CCT6A: variants seen among roughly 807,000 people sequenced by gnomAD.
CCT6A encodes the protein T-complex protein 1 subunit zeta.
Under a neutral mutation model 58.6 loss-of-function variants are expected in CCT6A, and 6 were observed. That is an observed-to-expected ratio of 0.10 (90% confidence interval 0.06 to 0.20). The LOEUF (loss-of-function observed/expected upper bound fraction) is 0.20. CCT6A is among the 10% of genes least tolerant of loss of function. The pLI, the probability that CCT6A is intolerant of heterozygous loss-of-function variation, is 1.00. For synonymous variants in CCT6A, 245 were observed against 227.8 expected, an observed-to-expected ratio of 1.08 and a Z score of -0.68; for missense variants, 516 against 648.8, an observed-to-expected ratio of 0.80 and a Z score of 2.22.
chr7:56,061,653 TTC>T, intron 11 of CCT6A, 92 bp from the exon 12 acceptor site: 1 of 719,984 alleles, frequency 1.4e-6, no homozygotes, highest in Non-Finnish European at 2.2e-6. Flanking sequence ...GGCCGAGATT[TTC>T]TTTTTCTTTT....
intron 12 of CCT6A, 67 bp from the exon 13 acceptor site, chr7:56,062,616 C>A: frequency 7.7e-7 from 1 of 1,305,402 alleles, no homozygotes; most frequent in Non-Finnish European, 1.1e-6. Context: ...CAGTGATAAG[C>A]AAAGCTGCAC....
rs927343831 is a variant in CCT6A at position 56,051,820 on chromosome 7, T to G, written c.-29T>G. ...CCGCGCCGGCTCTGGGCACTCAGCA[T>G]CGTTTCCTTTTCCTCCGCTGGAGCA... is the stretch of plus-strand genomic sequence containing the variant. On this transcript the variant is annotated 5_prime_UTR_variant, in exon 1 of 14. Coordinates refer to ENST00000275603, the MANE Select transcript of CCT6A (RefSeq NM_001762.4). 5.2e-6 allele frequency: 8 copies of G among 1,548,362 alleles called. No homozygotes were observed. The highest frequency in any genetic ancestry group is 2.8e-5 in the African/African-American group (2 of 72,060).
Position 56,063,254 on chromosome 7 carries a change from A to AT in CCT6A, c.*174dup, listed in dbSNP as rs770327661. The AT allele has an allele frequency of 1.6e-6, 1 of 610,504 alleles. No individual in the cohort carries two copies. The highest frequency in any genetic ancestry group is 2.9e-5 in the Admixed American group (1 of 34,590). 37.8% of individuals were successfully genotyped at this position (610,504 alleles called of 1,614,324 possible). ...AATTTGGAAGTTCTGAAATTATAGTATTTTTAAAAATTGCACTGAAGTGTA... is the reference window on the plus strand; with the variant it reads ...AATTTGGAAGTTCTGAAATTATAGTATTTTTTAAAAATTGCACTGAAGTGTA... On this transcript the variant is annotated 3_prime_UTR_variant, in exon 14 of 14. Coordinates refer to ENST00000275603, the MANE Select transcript of CCT6A (RefSeq NM_001762.4).
At chr7:56,062,338 G>T (rs1413718950) in intron 12 of CCT6A, among the ~76,000 whole-genome samples, 1 of 152,160 alleles carries the variant, frequency 6.6e-6, no homozygotes, top group Non-Finnish European at 1.5e-5. Context: ...CATGCAGTAT[G>T]TGCAAGACCT....
intron 9 of CCT6A, 28 bp downstream of exon 9, chr7:56,059,668 T>G (rs778155800): frequency 2.7e-5 from 28 of 1,048,656 alleles, no homozygotes; most frequent in Non-Finnish European, 4.0e-5. Flanking sequence ...TTAAAGGTAA[T>G]AGAACCTTTT....
intron 8 of CCT6A, 98 bp downstream of exon 8, chr7:56,058,800 A>G (rs1794368898): frequency 1.7e-5 from 12 of 725,556 alleles, no homozygotes; most frequent in South Asian, 3.5e-5. Flanking sequence ...TGTATAGTTA[A>G]TTGGCATTAA....
chr7:56,062,386 G>A (rs767190740), intron 12 of CCT6A, among the ~76,000 whole-genome samples: 10 of 152,186 alleles, frequency 6.6e-5, no homozygotes, highest in Non-Finnish European at 1.5e-4. Flanking sequence ...TGGAATGAGG[G>A]AAATGATCAG....
At position 56,059,671 on chromosome 7, in the gene CCT6A, A is replaced by G. The variant is rs772790248; in HGVS notation, c.1065+31A>G. 1.6e-5 allele frequency: 17 copies of G among 1,042,784 alleles called. No individual in the cohort carries two copies. In the Admixed American group the frequency reaches 1.7e-4, roughly 11 times the overall value. 64.6% of individuals were successfully genotyped at this position (1,042,784 alleles called of 1,614,324 possible). A position where few individuals can be genotyped will look rare whatever the true frequency, so the allele number is the denominator to read the frequency against. ...TGTATTTTTTTCTTAAAGGTAATAGAACCTTTTAGCTCGTGAATTATTTTT... is the reference window on the plus strand; with the variant it reads ...TGTATTTTTTTCTTAAAGGTAATAGGACCTTTTAGCTCGTGAATTATTTTT... On this transcript the variant is annotated intron_variant, in intron 9 of 13. Coordinates refer to ENST00000275603, the MANE Select transcript of CCT6A (RefSeq NM_001762.4).
At position 56,056,308 on chromosome 7, in the gene CCT6A, C is replaced by T. The variant is rs757520764; in HGVS notation, c.511-3C>T. 1.4e-6 allele frequency: 2 copies of T among 1,472,776 alleles called. No individual in the cohort carries two copies. Among genetic ancestry groups the T allele is most frequent in the Non-Finnish European group, 1.9e-6 (2 of 1,051,250 alleles). 91.2% of individuals were successfully genotyped at this position (1,472,776 alleles called of 1,614,324 possible). ...CTTAACGGTTATGCTCCTCCAATTG[C>T]AGGCTGTAGTGGACTCCATTTTGGC... On this transcript the variant is annotated splice_region_variant and splice_polypyrimidine_tract_variant and intron_variant, in intron 4 of 13. Transcript: ENST00000275603.
At chr7:56,052,103 C>G (rs1293626177) in intron 1 of CCT6A, 118 bp downstream of exon 1, 2 of 910,810 alleles carry the variant, frequency 2.2e-6, no homozygotes, top group African/African-American at 1.8e-5. Context: ...TCCTTCTCGG[C>G]GTCCTCCGGG....
chr7:56,056,653 C>T (rs549561157), intron 5 of CCT6A, among the ~76,000 whole-genome samples: 7 of 151,264 alleles, frequency 4.6e-5, no homozygotes, highest in African/African-American at 7.3e-5. Flanking sequence ...ACCTGGGAGG[C>T]GGAGGTTGCA....
chr7:56,058,248 C>CA, intron 6 of CCT6A, 114 bp from the exon 7 acceptor site: 1 of 862,916 alleles, frequency 1.2e-6, no homozygotes, highest in South Asian at 1.7e-5. Context: ...TCTGAAGATG[C>CA]ATAAGGGGCA....
At position 56,062,671 on chromosome 7, in the gene CCT6A, G is replaced by A. The variant is rs377682724; in HGVS notation, c.1451-12G>A. The A allele has an allele frequency of 2.5e-6, 4 of 1,611,882 alleles. No homozygotes were observed. Among genetic ancestry groups the A allele is most frequent in the African/African-American group, 2.7e-5 (2 of 74,870 alleles). On this transcript the variant is annotated splice_polypyrimidine_tract_variant and intron_variant, in intron 12 of 13. Transcript: ENST00000275603. Reference sequence around the variant, plus strand: ...CTGACTGAACTTATTTTAAGATTTGGTTGCCTTTTAGGTGAGCCAATGGTG... The same window carrying A: ...CTGACTGAACTTATTTTAAGATTTGATTGCCTTTTAGGTGAGCCAATGGTG...
Position 56,052,412 on chromosome 7 carries a change from C to T in CCT6A, c.138-10C>T, listed in dbSNP as rs748326813. The T allele has an allele frequency of 2.5e-6, 4 of 1,613,002 alleles. No homozygotes were observed. The highest frequency in any genetic ancestry group is 1.6e-4 in the Middle Eastern group (1 of 6,062). Reference sequence around the variant, plus strand: ...AGTCATAGTCTGGTTCATTTCTGTCCTTTAAACAGGCTCGTTTCTGGCGCT... The same window carrying T: ...AGTCATAGTCTGGTTCATTTCTGTCTTTTAAACAGGCTCGTTTCTGGCGCT... On this transcript the variant is annotated splice_polypyrimidine_tract_variant and intron_variant, in intron 1 of 13. Transcript: ENST00000275603.
In CCT6A at chr7:56,055,781, C is replaced by T; in HGVS notation, c.494C>T (p.Ala165Val). ...SLRTKVHAEL[A>V]DVLTEAVVDS... ...CGTACTAAAGTTCATGCTGAACTTG[C>T]AGATGTCTTAACAGAGGTATGTATT... is the stretch of plus-strand genomic sequence containing the variant. The change falls in exon 4 of 14, where the codon GCA becomes GTA. Residue 165 changes from alanine (A) to valine (V), a missense_variant. Physicochemically the swap from Ala to Val is moderately conservative, Grantham distance 64. Transcript: ENST00000275603. The T allele has an allele frequency of 1.9e-6, 3 of 1,612,854 alleles. No individual in the cohort carries two copies. Among genetic ancestry groups the T allele is most frequent in the Non-Finnish European group, 2.5e-6 (3 of 1,179,014 alleles).
Position 56,058,708 on chromosome 7 carries a change from C to A in CCT6A, c.968+6C>A. On this transcript the variant is annotated splice_donor_region_variant and intron_variant, in intron 8 of 13. Coordinates refer to ENST00000275603, the MANE Select transcript of CCT6A (RefSeq NM_001762.4). ...AAAAGGAGAAATATGGAGAGGTATCCGAGTAATTTGACTTTTACTCATTTT... is the reference window on the plus strand; with the variant it reads ...AAAAGGAGAAATATGGAGAGGTATCAGAGTAATTTGACTTTTACTCATTTT... 6.7e-7 allele frequency: 1 copy of A among 1,495,498 alleles called. No individual in the cohort carries two copies. The highest frequency in any genetic ancestry group is 9.2e-7 in the Non-Finnish European group (1 of 1,085,202). 92.6% of individuals were successfully genotyped at this position (1,495,498 alleles called of 1,614,324 possible).
At chr7:56,055,573 C>A in intron 3 of CCT6A, 51 bp from the exon 4 acceptor site, 1 of 1,449,572 alleles carries the variant, frequency 6.9e-7, no homozygotes, top group Non-Finnish European at 9.7e-7. Flanking sequence ...TTATCATGAA[C>A]TATGGTTGCA....
chr7:56,056,002 G>A (rs1287797424), intron 4 of CCT6A: 34 of 528,132 alleles, frequency 6.4e-5, no homozygotes, highest in Non-Finnish European at 1.0e-4. Context: ...TAAAATTGAA[G>A]CTTTCATTAA....
Position 56,061,861 on chromosome 7 carries a change from C to G in CCT6A, c.1450+12C>G. 1 of 1,432,448 alleles carries G rather than the reference C, an allele frequency of 7.0e-7. No homozygotes were observed. Among genetic ancestry groups the G allele is most frequent in the Non-Finnish European group, 9.7e-7 (1 of 1,033,828 alleles). The allele number at this position is 1,432,448 out of a possible 1,614,324, so 88.7% of individuals were successfully genotyped here. On this transcript the variant is annotated intron_variant, in intron 12 of 13. Transcript: ENST00000275603. ...GGACCTGAACACAGGTAAGAGAATG[C>G]AACTGTTGTAGAGGGAAAACTAGAT... is the stretch of plus-strand genomic sequence containing the variant.
Sources: gnomAD v4.1 joint callset for allele counts (sites outside exome capture counted in the v4.1 genomes callset) on GRCh38, gnomAD v4.1.1 for gene constraint, MANE v1.5 for transcripts, NCBI Gene and HGNC (gene_info 2026-07-23, HGNC 2026-07-21) for gene names.